RBFOX3: variants seen among roughly 807,000 people sequenced by gnomAD.
The protein encoded by RBFOX3 is RNA binding protein fox-1 homolog 3.
RBFOX3 carries 17 observed loss-of-function variants against 48.7 expected under a neutral mutation model. The observed-to-expected ratio is 0.35, with a 90% CI of 0.24 to 0.52. RBFOX3 has a LOEUF of 0.52. Ranked by LOEUF, RBFOX3 falls within the 20% of genes least tolerant of loss-of-function variation. The pLI, the probability that RBFOX3 is intolerant of heterozygous loss-of-function variation, is 0.94. For synonymous variants in RBFOX3, 212 were observed against 209.5 expected (o/e 1.01, Z -0.10); for missense variants, 382 against 497.5 (o/e 0.77, Z 2.21).
At chr17:79,415,243 T>G (rs2065138102) in intron 2 of RBFOX3, among the ~76,000 whole-genome samples, 1 of 152,218 alleles carries the variant, frequency 6.6e-6, no homozygotes. Context: ...TAAGCCCAGA[T>G]GAGTTCCAAA....
intron 3 of RBFOX3, among the ~76,000 whole-genome samples, chr17:79,306,513 C>T (rs2076125691): frequency 6.6e-6 from 1 of 152,224 alleles, no homozygotes; most frequent in Non-Finnish European, 1.5e-5. Flanking sequence ...CCTTCTCTTA[C>T]TGTTTCCAAC....
rs2062730302 is a variant in RBFOX3, at chr17:79,400,988, G to A, written c.-175+81466C>T. Among the ~76,000 whole-genome samples, 4 of 152,192 alleles carry A rather than the reference G, an allele frequency of 2.6e-5. No homozygotes were observed. In the South Asian group the frequency reaches 8.3e-4, roughly 32 times the overall value. On this transcript the variant is annotated intron_variant, in intron 2 of 14. Transcript: ENST00000693108. ...GAGATCCTCCTCCGAACAAAAACGA[G>A]ACAAAACAGAAAAACACGTCGTCAC...
At chr17:79,140,035 G>A (rs887948000) in intron 4 of RBFOX3, among the ~76,000 whole-genome samples, 5 of 152,172 alleles carry the variant, frequency 3.3e-5, no homozygotes, top group South Asian at 2.1e-4. Flanking sequence ...CTGGTCCCGC[G>A]GCCCTGCCAG....
chr17:79,174,558 GCA>G (rs1337069714), intron 4 of RBFOX3, among the ~76,000 whole-genome samples: 5 of 151,702 alleles, frequency 3.3e-5, no homozygotes, highest in African/African-American at 7.3e-5. Context: ...GATACACAAT[GCA>G]CACTCACATG....
At chr17:79,128,304 G>C (rs1213454984) in intron 4 of RBFOX3, among the ~76,000 whole-genome samples, 1 of 152,080 alleles carries the variant, frequency 6.6e-6, no homozygotes, top group African/African-American at 2.4e-5. Flanking sequence ...GTGTGGATGA[G>C]GGGGGGACTT....
intron 1 of RBFOX3, among the ~76,000 whole-genome samples, chr17:79,584,777 T>G (rs1318797155): frequency 6.6e-6 from 1 of 151,930 alleles, no homozygotes. Context: ...TTATTTATTT[T>G]TTTTTTGAGA....
intron 4 of RBFOX3, among the ~76,000 whole-genome samples, chr17:79,225,451 T>C (rs117771722): frequency 0.1 from 15,375 of 152,006 alleles, 1,173 homozygotes; most frequent in African/African-American, 0.22. Flanking sequence ...CCAACACACC[T>C]GGCTAATTTT....
chr17:79,541,993 C>G (rs1485681294), intron 1 of RBFOX3, among the ~76,000 whole-genome samples: 2 of 151,836 alleles, frequency 1.3e-5, no homozygotes, highest in African/African-American at 4.8e-5. Context: ...TTTTACAGAA[C>G]AAAACCATGT....
chr17:79,437,766 A>G (rs2137772), intron 2 of RBFOX3, among the ~76,000 whole-genome samples: 82,116 of 152,140 alleles, frequency 0.54, 22,467 homozygotes, highest in Middle Eastern at 0.62. Context: ...GTCATCTCCC[A>G]AAGGGTATTT....
At chr17:79,575,654 TG>T (rs1182963545) in intron 1 of RBFOX3, among the ~76,000 whole-genome samples, 1 of 152,198 alleles carries the variant, frequency 6.6e-6, no homozygotes, top group Non-Finnish European at 1.5e-5. Flanking sequence ...CTATTCTAAA[TG>T]AGGCTAAAAA....
At chr17:79,262,952 G>T (rs1045997464) in intron 3 of RBFOX3, among the ~76,000 whole-genome samples, 2 of 152,254 alleles carry the variant, frequency 1.3e-5, no homozygotes, top group African/African-American at 4.8e-5. Context: ...GACACTTGCT[G>T]GGCTGATGAA....
chr17:79,092,302 G>C, intron 14 of RBFOX3: 1 of 985,514 alleles, frequency 1.0e-6, no homozygotes, highest in Non-Finnish European at 1.2e-6. Flanking sequence ...TGTGCACACC[G>C]TACCTGCAAT....
intron 4 of RBFOX3, among the ~76,000 whole-genome samples, chr17:79,189,296 C>T (rs1267169869): frequency 6.6e-6 from 1 of 152,134 alleles, no homozygotes; most frequent in East Asian, 1.9e-4. Context: ...CAGAGGTGGT[C>T]CAAGGTCACA....
intron 4 of RBFOX3, among the ~76,000 whole-genome samples, chr17:79,208,838 C>T (rs369386934): frequency 6.6e-5 from 10 of 151,434 alleles, no homozygotes; most frequent in Admixed American, 3.9e-4. Flanking sequence ...TTGTTTGAGA[C>T]GGAGTCTCGC....
chr17:79,229,230 C>CAAA (rs59934894), intron 4 of RBFOX3, among the ~76,000 whole-genome samples: 4 of 33,712 alleles, frequency 1.2e-4, no homozygotes, highest in African/African-American at 4.5e-4. Context: ...GAGACTCTGT[C>CAAA]AAAAAAAAAA....
At chr17:79,312,020 C>T (rs894482934) in intron 2 of RBFOX3, among the ~76,000 whole-genome samples, 1 of 152,228 alleles carries the variant, frequency 6.6e-6, no homozygotes, top group Non-Finnish European at 1.5e-5. Context: ...TCTCCTCCCC[C>T]TTCCTGACTA....
rs1254634401 is a variant in RBFOX3 at position 79,476,394 on chromosome 17, A to C, written c.-175+6060T>G. ...CTATTTTTTTAAAAAATGTCACACC[A>C]GTGCCAAAAAGCAGTTTTATCCTTC... On this transcript the variant is annotated intron_variant, in intron 2 of 14. Coordinates refer to ENST00000693108, the MANE Select transcript of RBFOX3 (RefSeq NM_001350451.2). Among the ~76,000 whole-genome samples, 5 of 152,252 alleles carry C rather than the reference A, an allele frequency of 3.3e-5. No individual in the cohort carries two copies. The East Asian group carries it at 7.7e-4, about 23-fold the overall frequency.
intron 14 of RBFOX3, among the ~76,000 whole-genome samples, chr17:79,093,184 C>T (rs2074324467): frequency 6.6e-6 from 1 of 152,192 alleles, no homozygotes; most frequent in Admixed American, 6.5e-5. Flanking sequence ...AGGCCCAGCC[C>T]TGTCCTACTG....
chr17:79,176,415 A>C (rs1406547240), intron 4 of RBFOX3, among the ~76,000 whole-genome samples: 1 of 152,198 alleles, frequency 6.6e-6, no homozygotes. Context: ...GCATGAGCCC[A>C]GCAGCTCAGC....
Sources: allele counts gnomAD v4.1 joint callset (sites outside exome capture counted in the v4.1 genomes callset), GRCh38; gene constraint gnomAD v4.1.1; transcripts MANE v1.5; gene names NCBI Gene and HGNC (gene_info 2026-07-23, HGNC 2026-07-21).